The following TUBGCP2 variants were observed in gnomAD, a reference collection of about 807,000 sequenced individuals.
TUBGCP2 encodes the protein gamma-tubulin complex component 2.
In TUBGCP2, 55 loss-of-function variants were observed where a neutral mutation model predicts 92.2. The observed-to-expected ratio is 0.60, with a 90% CI of 0.48 to 0.75. The LOEUF is 0.75. TUBGCP2 is among the 30% of genes least tolerant of loss of function. TUBGCP2 has a pLI of 0.00. For missense variants in TUBGCP2, 1,093 were observed against 1,188.9 expected, an observed-to-expected ratio of 0.92 and a Z score of 1.19; for synonymous variants, 533 against 505.2, an observed-to-expected ratio of 1.06 and a Z score of -0.74.
chr10:133,290,118 G>C, intron 8 of TUBGCP2, 149 bp from the exon 9 acceptor site: 1 of 1,151,418 alleles, frequency 8.7e-7, no homozygotes, highest in Non-Finnish European at 1.2e-6. Flanking sequence ...TAATCTACCA[G>C]TTACTTCTCA....
At chr10:133,311,889 T>C (rs201539702), upstream of TUBGCP2, 64 of 1,613,102 alleles carry the variant, frequency 4.0e-5, no homozygotes, top group Middle Eastern at 6.6e-4. Flanking sequence ...ATGTGTTCGG[T>C]GCTGAGGATT....
At chr10:133,311,262 A>G (rs112658708), upstream of TUBGCP2, among the ~76,000 whole-genome samples, 640 of 152,294 alleles carry the variant, frequency 4.2e-3, 3 homozygotes, top group African/African-American at 0.014. Context: ...ACCCACTGCA[A>G]TGTGGGAGGC....
Position 133,293,242 on chromosome 10 carries a change from G to A in TUBGCP2, c.825-4C>T. On this transcript the variant is annotated splice_polypyrimidine_tract_variant and splice_region_variant and intron_variant, in intron 6 of 17. Transcript: ENST00000252936. ...GGAAGACTTCTCTTCAATGAACCTG[G>A]AAGAAAAGCTGTCAGACTTCCTCAA... 6.2e-7 allele frequency: 1 copy of A among 1,612,462 alleles called. No individual in the cohort carries two copies. Among genetic ancestry groups the A allele is most frequent in the South Asian group, 1.1e-5 (1 of 91,080 alleles).
chr10:133,291,422 T>C (rs111903834), intron 8 of TUBGCP2, among the ~76,000 whole-genome samples: 16 of 58 alleles, frequency 0.28, 4 homozygotes, highest in African/African-American at 0.8. Flanking sequence ...GAGGGCAGCA[T>C]GCACCGTCCG....
chr10:133,285,990 T>C lies in TUBGCP2; in HGVS notation c.1723-362A>G, dbSNP rs1410861354. The stretch of plus-strand genomic sequence containing the variant: ...GCCCAGGTTGAAAAATGAAGCATAT[T>C]TGACGAGGGACATAATAGTTATTAT... On this transcript the variant is annotated intron_variant, in intron 11 of 17. Coordinates refer to ENST00000252936, the MANE Select transcript of TUBGCP2 (RefSeq NM_006659.4). This position sits in a 1 kb window ranked among gnomAD's most constrained non-coding sequence, Gnocchi z 6.8. 2.0e-5 allele frequency among the ~76,000 whole-genome samples: 3 copies of C among 152,180 alleles called. No individual in the cohort carries two copies. Among genetic ancestry groups the C allele is most frequent in the Admixed American group, 6.5e-5 (1 of 15,270 alleles).
chr10:133,293,011 GC>G (rs1275926420), intron 7 of TUBGCP2, 27 bp downstream of exon 7: 2 of 1,607,994 alleles, frequency 1.2e-6, no homozygotes, highest in South Asian at 2.2e-5. Context: ...ACCCACCACT[GC>G]CCCATGCCCC....
chr10:133,286,058 C>T (rs1379400908), intron 11 of TUBGCP2, among the ~76,000 whole-genome samples: 1 of 152,102 alleles, frequency 6.6e-6, no homozygotes, highest in East Asian at 1.9e-4. Context: ...CGAGTATTTG[C>T]TAAGTTCCAA....
intron 6 of TUBGCP2, 41 bp downstream of exon 6, chr10:133,293,521 C>G (rs908970000): frequency 3.1e-5 from 48 of 1,542,758 alleles, no homozygotes; most frequent in East Asian, 7.4e-5. Flanking sequence ...ACCCCTCCCC[C>G]ACAACAGCGC....
In TUBGCP2 at chr10:133,293,058, C is replaced by T; in HGVS notation, c.1005G>A (p.Met335Ile). 2 of 1,613,418 alleles carry T rather than the reference C, an allele frequency of 1.2e-6. No individual in the cohort carries two copies. The highest frequency in any genetic ancestry group is 1.7e-6 in the Non-Finnish European group (2 of 1,180,018). Reference protein sequence around the residue: ...WFYIQPAMRTMDILASLATSV... With the variant: ...WFYIQPAMRTIDILASLATSV... ...ACGCACCGAGGGAGGCCAGGATGTC[C>T]ATGGTGCGCATGGCTGGCTGGATGT... Residue 335 changes from methionine (M) to isoleucine (I), a missense_variant, in exon 7 of 18, where the codon ATG (methionine) becomes ATA (isoleucine). Coordinates refer to ENST00000252936, the MANE Select transcript of TUBGCP2 (RefSeq NM_006659.4).
intron 5 of TUBGCP2, among the ~76,000 whole-genome samples, chr10:133,296,525 T>A (rs1316790415): frequency 2.0e-5 from 3 of 152,098 alleles, no homozygotes; most frequent in South Asian, 2.1e-4. Context: ...TTGCCCAGGC[T>A]GGAGTGCAGT....
intron 11 of TUBGCP2, among the ~76,000 whole-genome samples, chr10:133,286,960 A>G (rs1359757898): frequency 1.3e-5 from 2 of 152,206 alleles, no homozygotes; most frequent in Admixed American, 6.5e-5. Flanking sequence ...AGCAGCAGAC[A>G]GGAGTAACAA....
intron 16 of TUBGCP2, 64 bp downstream of exon 16, chr10:133,282,159 T>TGCCCAGGCTGCC: frequency 1.2e-6 from 2 of 1,607,084 alleles, no homozygotes; most frequent in Non-Finnish European, 1.7e-6. Flanking sequence ...TGCGTCAGGA[T>TGCCCAGGCTGCC]GCCCAGGCTG....
At chr10:133,300,163 T>C in intron 2 of TUBGCP2, 50 bp from the exon 3 acceptor site, 3 of 1,577,700 alleles carry the variant, frequency 1.9e-6, no homozygotes, top group Non-Finnish European at 2.6e-6. Context: ...AATAAAGCAC[T>C]GTAAAAAAAA....
intron 1 of TUBGCP2, among the ~76,000 whole-genome samples, chr10:133,305,078 C>A (rs1241466728): frequency 2.0e-5 from 3 of 152,092 alleles, no homozygotes; most frequent in African/African-American, 7.2e-5. Context: ...TTGTGGAGGG[C>A]CTGACATCAG....
upstream of TUBGCP2, chr10:133,311,818 T>C (rs762128129): frequency 3.7e-6 from 6 of 1,606,864 alleles, no homozygotes; most frequent in Non-Finnish European, 5.1e-6. Flanking sequence ...CACCGGCAGG[T>C]GAGAGGCGGA....
At chr10:133,310,498 T>C (rs1220730672), upstream of TUBGCP2, 1 of 615,332 alleles carries the variant, frequency 1.6e-6, no homozygotes, top group African/African-American at 1.9e-5. Flanking sequence ...GGGGAGCCCC[T>C]GGCTGCCCAG....
chr10:133,299,969 T>C lies in TUBGCP2; in HGVS notation c.279+16A>G. On this transcript the variant is annotated intron_variant, in intron 3 of 17. Coordinates refer to ENST00000252936, the MANE Select transcript of TUBGCP2 (RefSeq NM_006659.4). Reference sequence around the variant, plus strand: ...GGCCGTACGGGCGCAGTGTGGCACGTGGCATGGGCACCTACCTCTTTGTCT... The same window carrying C: ...GGCCGTACGGGCGCAGTGTGGCACGCGGCATGGGCACCTACCTCTTTGTCT... The C allele has an allele frequency of 6.2e-7, 1 of 1,613,206 alleles. No homozygotes were observed. Among genetic ancestry groups the C allele is most frequent in the Non-Finnish European group, 8.5e-7 (1 of 1,179,402 alleles).
chr10:133,309,990 T>C, upstream of TUBGCP2: 1 of 1,612,174 alleles, frequency 6.2e-7, no homozygotes, highest in Non-Finnish European at 8.5e-7. Context: ...GGGTGACAAC[T>C]GCACAGCCGC....
intron 9 of TUBGCP2, 33 bp downstream of exon 9, chr10:133,289,791 G>A (rs751732835): frequency 5.7e-6 from 8 of 1,393,872 alleles, no homozygotes; most frequent in Non-Finnish European, 6.8e-6. Context: ...GAGCTGTGCT[G>A]CGCACCCCAA....
Sources: gnomAD v4.1 joint callset for allele counts (sites outside exome capture counted in the v4.1 genomes callset) on GRCh38, gnomAD v4.1.1 for gene constraint, Gnocchi (gnomAD v3.1) non-coding constraint, MANE v1.5 for transcripts, NCBI Gene and HGNC (gene_info 2026-07-23, HGNC 2026-07-21) for gene names.